The following GCN1 variants were observed in gnomAD, a reference collection of about 807,000 sequenced individuals.
The protein encoded by GCN1 is stalled ribosome sensor GCN1.
Under a neutral mutation model 288.4 loss-of-function variants are expected in GCN1, and 90 were observed. The observed-to-expected ratio is 0.31, with a 90% CI of 0.26 to 0.37. The LOEUF (loss-of-function observed/expected upper bound fraction) is 0.37. Ranked by LOEUF, GCN1 falls within the 10% of genes least tolerant of loss-of-function variation. The pLI is 1.00. For missense variants in GCN1, 2,586 were observed against 3,419.9 expected, an observed-to-expected ratio of 0.76 and a Z score of 6.08; for synonymous variants, 1,386 against 1,420.2, an observed-to-expected ratio of 0.98 and a Z score of 0.54.
At position 120,155,900 on chromosome 12, in the gene GCN1, T is replaced by C. The variant is rs1566306907; in HGVS notation, c.3313-181A>G. Among the ~76,000 whole-genome samples, 1 of 152,204 alleles carries C rather than the reference T, an allele frequency of 6.6e-6. No individual in the cohort carries two copies. Among genetic ancestry groups the C allele is most frequent in the Non-Finnish European group, 1.5e-5 (1 of 68,036 alleles). On this transcript the variant is annotated intron_variant, in intron 28 of 57. Transcript: ENST00000300648. The surrounding 1 kb of genome is among the most constrained non-coding windows in gnomAD (Gnocchi z 4.9). Reference sequence around the variant, plus strand: ...CTTAGAGTGTGAGGTGGTAAAATGTTTTTTTAATGTGAAAATTAAAACGTT... The same window carrying C: ...CTTAGAGTGTGAGGTGGTAAAATGTCTTTTTAATGTGAAAATTAAAACGTT...
Position 120,153,280 on chromosome 12 carries a change from T to C in GCN1, c.3995A>G (p.Lys1332Arg). Reference sequence around the variant, plus strand: ...AATGGGCTTCACTTTGGGGTCACTCTTGTCCAGGTGCTTGGCCAGAGAGCC... The same window carrying C: ...AATGGGCTTCACTTTGGGGTCACTCCTGTCCAGGTGCTTGGCCAGAGAGCC... ...LMGSLAKHLDKSDPKVKPIVA... is the reference protein window; with the variant it reads ...LMGSLAKHLDRSDPKVKPIVA... The change falls in exon 33 of 58, where the codon AAG becomes AGG. Residue 1332 changes from lysine to arginine, a missense_variant. Lys to Arg is a conservative substitution (Grantham distance 26). This residue lies in a region of GCN1 where 332 missense variants were observed against 403.0 expected (regional missense o/e 0.82). Transcript: ENST00000300648. The surrounding 1 kb of genome is among the most constrained non-coding windows in gnomAD (Gnocchi z 4.4). 1 of 1,614,236 alleles carries C rather than the reference T, an allele frequency of 6.2e-7. No homozygotes were observed. The highest frequency in any genetic ancestry group is 8.5e-7 in the Non-Finnish European group (1 of 1,180,040).
intron 33 of GCN1, 53 bp from the exon 34 acceptor site, chr12:120,151,444 G>A (rs1877551179): frequency 6.3e-7 from 1 of 1,596,042 alleles, no homozygotes; most frequent in African/African-American, 1.3e-5. Context: ...CCGTTTCATG[G>A]TTGGTGGGGG....
In GCN1 at chr12:120,159,953, GTCAGGCCGGACGGGT is replaced by G; in HGVS notation, c.2606_2620del (p.Asn869_Leu873del). On this transcript the variant is annotated inframe_deletion, in exon 24 of 58. Transcript: ENST00000300648. ...GTCGACCAAAACAGGGATGTACTGG[GTCAGGCCGGACGGGT>G]TCTTGGCCAGGATGATGTCCAGCAG... 1 of 1,614,132 alleles carries G rather than the reference GTCAGGCCGGACGGGT, an allele frequency of 6.2e-7. No individual in the cohort carries two copies. Among genetic ancestry groups the G allele is most frequent in the Non-Finnish European group, 8.5e-7 (1 of 1,179,966 alleles).
At chr12:120,150,532 T>C (rs1218825238) in intron 34 of GCN1, among the ~76,000 whole-genome samples, 1 of 151,498 alleles carries the variant, frequency 6.6e-6, no homozygotes, top group East Asian at 1.9e-4. Context: ...GAGGTGAAGA[T>C]TGCAGTGAGC....
chr12:120,176,474 A>C (rs534966298), intron 9 of GCN1, among the ~76,000 whole-genome samples: 1 of 152,342 alleles, frequency 6.6e-6, no homozygotes, highest in South Asian at 2.1e-4. Context: ...CTCAGATCCC[A>C]TGATTTCAAG....
chr12:120,129,605 C>T, intron 56 of GCN1, 111 bp from the exon 57 acceptor site: 1 of 774,260 alleles, frequency 1.3e-6, no homozygotes, highest in Non-Finnish European at 2.2e-6. Context: ...CTGACCCCCC[C>T]TGCTCCTGTG....
chr12:120,175,159 T>C lies in GCN1; in HGVS notation c.1093+3A>G. On this transcript the variant is annotated splice_donor_region_variant and intron_variant, in intron 12 of 57. Transcript: ENST00000300648. Reference sequence around the variant, plus strand: ...AAAAAAAAAAAAAAAAGAAATCCTATACCTGAGAGGACGCTCATCTTCTGG... The same window carrying C: ...AAAAAAAAAAAAAAAAGAAATCCTACACCTGAGAGGACGCTCATCTTCTGG... 1 of 1,058,858 alleles carries C rather than the reference T, an allele frequency of 9.4e-7. No individual in the cohort carries two copies. Among genetic ancestry groups the C allele is most frequent in the Non-Finnish European group, 1.4e-6 (1 of 691,114 alleles). The allele number at this position is 1,058,858 out of a possible 1,614,324, so 65.6% of individuals were successfully genotyped here. A position where few individuals can be genotyped will look rare whatever the true frequency, so the allele number is the denominator to read the frequency against.
Position 120,144,248 on chromosome 12 carries a change from T to C in GCN1, c.5495+58A>G. On this transcript the variant is annotated intron_variant, in intron 42 of 57. Coordinates refer to ENST00000300648, the MANE Select transcript of GCN1 (RefSeq NM_006836.2). This position sits in a 1 kb window ranked among gnomAD's most constrained non-coding sequence, Gnocchi z 4.7. ...GCCTCGGCTTTCCAGAGTGCTCGGA[T>C]TATAGGCATGAGCCACCACGCATCA... 1 of 1,594,796 alleles carries C rather than the reference T, an allele frequency of 6.3e-7. No homozygotes were observed. Among genetic ancestry groups the C allele is most frequent in the Non-Finnish European group, 8.6e-7 (1 of 1,162,820 alleles).
intron 45 of GCN1, among the ~76,000 whole-genome samples, chr12:120,139,557 G>A (rs768184926): frequency 2.6e-5 from 4 of 151,986 alleles, no homozygotes; most frequent in Non-Finnish European, 5.9e-5. Flanking sequence ...GAGCCCAGAA[G>A]GTCAAGGTTA....
At chr12:120,136,802 A>G in intron 50 of GCN1, 70 bp from the exon 51 acceptor site, 1 of 1,147,360 alleles carries the variant, frequency 8.7e-7, no homozygotes, top group Non-Finnish European at 1.3e-6. Context: ...CATGCAAGCA[A>G]AGTGGTCCTG....
chr12:120,146,977 G>A (rs1324804156), intron 38 of GCN1, 75 bp downstream of exon 38: 1 of 797,032 alleles, frequency 1.3e-6, no homozygotes, highest in Non-Finnish European at 1.9e-6. Flanking sequence ...TGTCTAATGT[G>A]GGGACTCTGC....
At chr12:120,179,554 C>G (rs1447399644) in intron 5 of GCN1, among the ~76,000 whole-genome samples, 1 of 152,092 alleles carries the variant, frequency 6.6e-6, no homozygotes, top group Non-Finnish European at 1.5e-5. Context: ...TGTCCACCAC[C>G]ATGCCCACCT....
At chr12:120,183,437 A>G in intron 5 of GCN1, 132 bp downstream of exon 5, 1 of 675,354 alleles carries the variant, frequency 1.5e-6, no homozygotes, top group Admixed American at 2.1e-5. Flanking sequence ...AAAGCCACAC[A>G]CCTCGGGACA....
chr12:120,194,681 T>G lies in GCN1; in HGVS notation c.17A>C (p.Gln6Pro). ...TGGCCCCGCAGCCGCCCGCCTCACC[T>G]GCGTGTCCGCCGCCATCCTGCCGGG... Reference protein sequence around the residue: MAADTQVSETLKRFAG... With the variant: MAADTPVSETLKRFAG... Residue 6 changes from glutamine to proline, a missense_variant and splice_region_variant, in exon 1 of 58, where the codon CAG becomes CCG. Gln to Pro is a moderately conservative substitution (Grantham distance 76). Coordinates refer to ENST00000300648, the MANE Select transcript of GCN1 (RefSeq NM_006836.2). 6.6e-7 allele frequency: 1 copy of G among 1,513,452 alleles called. No individual in the cohort carries two copies. Among genetic ancestry groups the G allele is most frequent in the South Asian group, 1.2e-5 (1 of 81,956 alleles). The allele number at this position is 1,513,452 out of a possible 1,614,324, so 93.8% of individuals were successfully genotyped here. A position where few individuals can be genotyped will look rare whatever the true frequency, so the allele number is the denominator to read the frequency against.
At chr12:120,130,822 T>C in intron 55 of GCN1, 69 bp from the exon 56 acceptor site, 3 of 922,394 alleles carry the variant, frequency 3.3e-6, no homozygotes, top group East Asian at 5.1e-5. Context: ...AAACCCCAGT[T>C]CCTAGTAATC....
chr12:120,152,661 A>AAT (rs1160511017), intron 33 of GCN1, among the ~76,000 whole-genome samples: 9 of 137,238 alleles, frequency 6.6e-5, no homozygotes, highest in African/African-American at 1.1e-4. Flanking sequence ...ACACACACAA[A>AAT]ATATATATAT....
At position 120,134,959 on chromosome 12, in the gene GCN1, G is replaced by A. The variant is rs371990990; in HGVS notation, c.7009-233C>T. ...TGGAGGAGCAGGAGGCCGAGGAGGCGGCGGCCGCTATCTGAGGGAGCTGTC... is the reference window on the plus strand; with the variant it reads ...TGGAGGAGCAGGAGGCCGAGGAGGCAGCGGCCGCTATCTGAGGGAGCTGTC... On this transcript the variant is annotated intron_variant, in intron 51 of 57. Coordinates refer to ENST00000300648, the MANE Select transcript of GCN1 (RefSeq NM_006836.2). This position sits in a 1 kb window ranked among gnomAD's most constrained non-coding sequence, Gnocchi z 5.0. 2.8e-4 allele frequency among the ~76,000 whole-genome samples: 42 copies of A among 152,350 alleles called. No homozygotes were observed. Among genetic ancestry groups the A allele is most frequent in the East Asian group, 1.9e-3 (10 of 5,186 alleles).
At chr12:120,192,245 C>G (rs892345549) in intron 1 of GCN1, among the ~76,000 whole-genome samples, 5 of 152,218 alleles carry the variant, frequency 3.3e-5, no homozygotes, top group African/African-American at 1.2e-4. Flanking sequence ...AAGGAAATCT[C>G]TCCCAGAGTT....
chr12:120,153,538 C>G lies in GCN1; in HGVS notation c.3868-131G>C. The G allele has an allele frequency of 2.2e-6, 2 of 918,666 alleles. No homozygotes were observed. Among genetic ancestry groups the G allele is most frequent in the Non-Finnish European group, 3.3e-6 (2 of 611,396 alleles). The allele number at this position is 918,666 out of a possible 1,614,324, so 56.9% of individuals were successfully genotyped here. ...CATCCTGACATGCCAGCCAGTGGCT[C>G]TTCCAGTTTTCTGGCAGGACTGCCA... On this transcript the variant is annotated intron_variant, in intron 32 of 57. Coordinates refer to ENST00000300648, the MANE Select transcript of GCN1 (RefSeq NM_006836.2). The surrounding 1 kb of genome is among the most constrained non-coding windows in gnomAD (Gnocchi z 4.4).
Sources: gnomAD v4.1 joint callset for allele counts (sites outside exome capture counted in the v4.1 genomes callset) on GRCh38, gnomAD v4.1.1 for gene constraint, gnomAD v4.1.1 regional missense constraint, Gnocchi (gnomAD v3.1) non-coding constraint, MANE v1.5 for transcripts, NCBI Gene and HGNC (gene_info 2026-07-23, HGNC 2026-07-21) for gene names.